Variants in ACOT13 observed in about 807,000 individuals in gnomAD.
ACOT13 encodes the protein acyl-coenzyme A thioesterase 13.
In ACOT13, 10 loss-of-function variants were observed where a neutral mutation model predicts 11.8. The observed-to-expected ratio is 0.85, with a 90% CI of 0.53 to 1.44. ACOT13 has a LOEUF of 1.44. Among genes scored for constraint, ACOT13 ranks in the 40% most tolerant of loss-of-function variants. The pLI, the probability that ACOT13 is intolerant of heterozygous loss-of-function variation, is 0.00. For synonymous variants in ACOT13, 53 were observed against 61.0 expected (o/e 0.87, Z 0.61); for missense variants, 172 against 174.1 (o/e 0.99, Z 0.07).
Position 24,703,256 on chromosome 6 carries a change from T to C in ACOT13, c.*1641T>C, listed in dbSNP as rs1435614395. On this transcript the variant is annotated 3_prime_UTR_variant, in exon 3 of 3. Coordinates refer to ENST00000230048, the MANE Select transcript of ACOT13 (RefSeq NM_018473.4). ...TAAAAAGGATGCAGCTTTAAGTAAA[T>C]TTAAGTCAAGTTAACAGTTAAAGAC... is the stretch of plus-strand genomic sequence containing the variant. 2 of 152,128 alleles carry C rather than the reference T, an allele frequency of 1.3e-5. No homozygotes were observed. The highest frequency in any genetic ancestry group is 3.9e-4 in the East Asian group (2 of 5,176). 9.4% of individuals were successfully genotyped at this position (152,128 alleles called of 1,614,324 possible). A position where few individuals can be genotyped will look rare whatever the true frequency, so the allele number is the denominator to read the frequency against.
chr6:24,676,695 G>T (rs1201515571), intron 1 of ACOT13, among the ~76,000 whole-genome samples: 1 of 152,162 alleles, frequency 6.6e-6, no homozygotes, highest in Non-Finnish European at 1.5e-5. Flanking sequence ...AGGACTGGGG[G>T]TCCTTCTATA....
intron 1 of ACOT13, among the ~76,000 whole-genome samples, chr6:24,686,957 G>A (rs1778642177): frequency 6.6e-6 from 1 of 152,060 alleles, no homozygotes; most frequent in South Asian, 2.1e-4. Flanking sequence ...TGAGCAAGAG[G>A]GGCACCAAAC....
intron 1 of ACOT13, chr6:24,687,673 AAGAC>A (rs1439441980): frequency 1.3e-6 from 2 of 1,534,246 alleles, no homozygotes; most frequent in Non-Finnish European, 8.8e-7. Context: ...GCATGTAAAG[AAGAC>A]AGAAATGGTT....
chr6:24,682,663 T>C (rs1923188), intron 1 of ACOT13, among the ~76,000 whole-genome samples: 115,853 of 151,230 alleles, frequency 0.77, 45,101 homozygotes, highest in African/African-American at 0.9. Context: ...GAGTCAGTGG[T>C]GGGTCTGCAG....
chr6:24,695,192 CCAT>C (rs1316810537), intron 1 of ACOT13, among the ~76,000 whole-genome samples: 2 of 152,038 alleles, frequency 1.3e-5, no homozygotes, highest in Non-Finnish European at 2.9e-5. Context: ...ACCTGTAGTC[CCAT>C]CTACTCAGGA....
intron 1 of ACOT13, among the ~76,000 whole-genome samples, chr6:24,672,500 G>A (rs1184798561): frequency 3.9e-5 from 6 of 152,170 alleles, no homozygotes; most frequent in Admixed American, 1.3e-4. Context: ...TTAGCTGAGT[G>A]TGGTGGCACG....
At chr6:24,670,207 A>G (rs1002541889) in intron 1 of ACOT13, among the ~76,000 whole-genome samples, 1 of 152,204 alleles carries the variant, frequency 6.6e-6, no homozygotes, top group African/African-American at 2.4e-5. Context: ...AAGTGTAGCA[A>G]GAATAATTAT....
intron 1 of ACOT13, among the ~76,000 whole-genome samples, chr6:24,681,134 A>G (rs561761966): frequency 6.6e-6 from 1 of 152,156 alleles, no homozygotes; most frequent in African/African-American, 2.4e-5. Context: ...CTTTTCTAAC[A>G]TAATAGCCCC....
chr6:24,682,115 C>G (rs1176698126), intron 1 of ACOT13, among the ~76,000 whole-genome samples: 1 of 152,204 alleles, frequency 6.6e-6, no homozygotes, highest in Non-Finnish European at 1.5e-5. Flanking sequence ...GTTAGAAAGC[C>G]CTTCCGCAGA....
intron 1 of ACOT13, among the ~76,000 whole-genome samples, chr6:24,677,850 G>C (rs1365161247): frequency 6.6e-6 from 1 of 152,228 alleles, no homozygotes. Flanking sequence ...GGATAAGCCA[G>C]TATAGGCTGG....
chr6:24,687,651 G>A, intron 1 of ACOT13: 2 of 1,518,780 alleles, frequency 1.3e-6, no homozygotes, highest in Non-Finnish European at 1.8e-6. Context: ...ATACAGGCTT[G>A]AGAGAAAGAA....
Position 24,684,633 on chromosome 6 carries a change from G to A in ACOT13, c.82-13250G>A, listed in dbSNP as rs182874355. Among the ~76,000 whole-genome samples, 278 of 149,204 alleles carry A rather than the reference G, an allele frequency of 1.9e-3. 2 individuals carry two copies. Among genetic ancestry groups the A allele is most frequent in the African/African-American group, 6.3e-3 (255 of 40,204 alleles). ...GTAAGCTACAATGTGAGTGATATCTGTAGTTATAAATTGTAAAATAGCCAC... is the reference window on the plus strand; with the variant it reads ...GTAAGCTACAATGTGAGTGATATCTATAGTTATAAATTGTAAAATAGCCAC... On this transcript the variant is annotated intron_variant, in intron 1 of 2. Coordinates refer to ENST00000230048, the MANE Select transcript of ACOT13 (RefSeq NM_018473.4).
chr6:24,698,326 G>T (rs993239393), intron 2 of ACOT13, among the ~76,000 whole-genome samples: 1 of 151,058 alleles, frequency 6.6e-6, no homozygotes, highest in Non-Finnish European at 1.5e-5. Context: ...AGCTTTTAAT[G>T]TGTATACTGA....
intron 1 of ACOT13, among the ~76,000 whole-genome samples, chr6:24,678,956 G>A (rs984850005): frequency 7.3e-5 from 11 of 151,026 alleles, no homozygotes; most frequent in Non-Finnish European, 1.2e-4. Flanking sequence ...CTTGCCCCGG[G>A]CACCCTCAGT....
intron 2 of ACOT13, among the ~76,000 whole-genome samples, chr6:24,699,489 C>T (rs989610259): frequency 1.3e-5 from 2 of 152,172 alleles, no homozygotes; most frequent in Non-Finnish European, 2.9e-5. Flanking sequence ...GGATTACAGG[C>T]GTGAGCCACC....
chr6:24,692,740 C>A (rs1357113404), intron 1 of ACOT13, among the ~76,000 whole-genome samples: 1 of 152,156 alleles, frequency 6.6e-6, no homozygotes, highest in Non-Finnish European at 1.5e-5. Flanking sequence ...GAATTTTAAT[C>A]TTAATTTTTA....
chr6:24,699,534 A>G lies in ACOT13; in HGVS notation c.266+1467A>G, dbSNP rs562896052. 7.2e-5 allele frequency among the ~76,000 whole-genome samples: 11 copies of G among 152,320 alleles called. 1 individual carries two copies. The highest frequency in any genetic ancestry group is 4.6e-4 in the Admixed American group (7 of 15,288). ...CAATGTAGGCTTTTAAGGAATCTAA[A>G]TATTTTATCAAGTTTACTTAAGAAA... On this transcript the variant is annotated intron_variant, in intron 2 of 2. Coordinates refer to ENST00000230048, the MANE Select transcript of ACOT13 (RefSeq NM_018473.4).
chr6:24,680,843 T>C (rs1212251961), intron 1 of ACOT13, among the ~76,000 whole-genome samples: 1 of 152,220 alleles, frequency 6.6e-6, no homozygotes, highest in Non-Finnish European at 1.5e-5. Flanking sequence ...CTTTTGATTA[T>C]GTAAGTATGG....
chr6:24,679,840 T>A (rs1778518371), intron 1 of ACOT13, among the ~76,000 whole-genome samples: 1 of 152,222 alleles, frequency 6.6e-6, no homozygotes, highest in Non-Finnish European at 1.5e-5. Context: ...AAAACTTCAG[T>A]ATAGCCATCA....
Sources: allele counts gnomAD v4.1 joint callset (sites outside exome capture counted in the v4.1 genomes callset), GRCh38; gene constraint gnomAD v4.1.1; transcripts MANE v1.5; gene names NCBI Gene and HGNC (gene_info 2026-07-23, HGNC 2026-07-21).